Variants in INO80 observed in about 807,000 individuals in gnomAD.
The protein encoded by INO80 is chromatin-remodeling ATPase INO80.
In INO80, 20 loss-of-function variants were observed where a neutral mutation model predicts 203.4. The ratio of observed to expected loss-of-function variants is 0.10; its 90% CI spans 0.07 to 0.14. INO80 has a LOEUF of 0.14. Among genes scored for constraint, INO80 ranks in the 10% least tolerant of loss-of-function variants. The pLI is 1.00. For synonymous variants in INO80, 726 were observed against 685.2 expected, an observed-to-expected ratio of 1.06 and a Z score of -0.93; for missense variants, 1,419 against 1,914.4, an observed-to-expected ratio of 0.74 and a Z score of 4.83.
At chr15:41,047,539 C>A (rs1364184514) in intron 22 of INO80, 38 bp from the exon 23 acceptor site, 3 of 1,388,592 alleles carry the variant, frequency 2.2e-6, no homozygotes, top group East Asian at 4.6e-5. Flanking sequence ...CAACAGCAAA[C>A]CAAGAGACGA....
At chr15:41,048,503 T>G (rs2140527317) in intron 21 of INO80, among the ~76,000 whole-genome samples, 1 of 152,362 alleles carries the variant, frequency 6.6e-6, no homozygotes, top group South Asian at 2.1e-4. Context: ...AGTCTCATTT[T>G]ATTTCAGAGA....
chr15:41,021,569 G>C (rs1209292928), intron 25 of INO80, among the ~76,000 whole-genome samples: 1 of 152,222 alleles, frequency 6.6e-6, no homozygotes, highest in East Asian at 1.9e-4. Context: ...TGGCATATTT[G>C]AAGTCATCTT....
chr15:41,108,152 A>G (rs934371035), intron 1 of INO80, among the ~76,000 whole-genome samples: 7 of 152,190 alleles, frequency 4.6e-5, no homozygotes, highest in Non-Finnish European at 8.8e-5. Context: ...GGGTTTTGAC[A>G]TGTCATGTGT....
At chr15:41,052,659 C>T (rs1226365297) in intron 19 of INO80, among the ~76,000 whole-genome samples, 4 of 134,392 alleles carry the variant, frequency 3.0e-5, no homozygotes, top group African/African-American at 1.2e-4. Context: ...GGTGACAGAG[C>T]GAGCCCTTGT....
At chr15:41,018,854 G>C (rs887959088) in intron 26 of INO80, 3 of 152,238 alleles carry the variant, frequency 2.0e-5, no homozygotes, top group Admixed American at 6.5e-5. Context: ...ATTCTGCTAA[G>C]TCAAACCTGT....
At chr15:41,003,647 A>G (rs1297187882) in intron 28 of INO80, among the ~76,000 whole-genome samples, 1 of 152,064 alleles carries the variant, frequency 6.6e-6, no homozygotes, top group Non-Finnish European at 1.5e-5. Flanking sequence ...TCATCTTTAA[A>G]TATTTTTCAA....
intron 24 of INO80, among the ~76,000 whole-genome samples, chr15:41,031,337 A>G (rs1019933217): frequency 2.0e-5 from 3 of 151,536 alleles, no homozygotes; most frequent in Non-Finnish European, 2.9e-5. Flanking sequence ...GCAATATTGT[A>G]GATAGAAAAG....
Position 41,027,769 on chromosome 15 carries a change from A to G in INO80, c.2908-33T>C, listed in dbSNP as rs1161763237. On this transcript the variant is annotated intron_variant, in intron 24 of 35. Coordinates refer to ENST00000648947, the MANE Select transcript of INO80 (RefSeq NM_017553.3). ...ATAAAAATGCAAATGAATGCCAACT[A>G]TAATTATGTTTAATGTAAGCAAAAT... 15 of 1,537,524 alleles carry G rather than the reference A, an allele frequency of 9.8e-6. No individual in the cohort carries two copies. The South Asian group carries it at 1.1e-4, about 11-fold the overall frequency.
rs59485772 is a variant in INO80 at position 41,042,015 on chromosome 15, A to ATTTTT, written c.2907+2884_2907+2888dup. On this transcript the variant is annotated intron_variant, in intron 24 of 35. Coordinates refer to ENST00000648947, the MANE Select transcript of INO80 (RefSeq NM_017553.3). Reference sequence around the variant, plus strand: ...ATGCTTGGCTAATTTTTAATTTTTAATTTTTTTTTTTTTTTTGAGACAGAA... The same window carrying ATTTTT: ...ATGCTTGGCTAATTTTTAATTTTTAATTTTTTTTTTTTTTTTTTTTTGAGACAGAA... Among the ~76,000 whole-genome samples, 6 of 133,954 alleles carry ATTTTT rather than the reference A, an allele frequency of 4.5e-5. No homozygotes were observed. The South Asian group carries it at 1.4e-3, about 32-fold the overall frequency. 87.9% of individuals were successfully genotyped at this position (133,954 alleles called of 152,430 possible).
intron 14 of INO80, among the ~76,000 whole-genome samples, chr15:41,060,442 C>A (rs969498105): frequency 6.6e-6 from 1 of 151,560 alleles, no homozygotes; most frequent in African/African-American, 2.4e-5. Flanking sequence ...AAAAATTAGC[C>A]GGGTGTGGTG....
At chr15:40,993,002 C>T (rs1245493511) in intron 29 of INO80, among the ~76,000 whole-genome samples, 1 of 152,120 alleles carries the variant, frequency 6.6e-6, no homozygotes, top group Non-Finnish European at 1.5e-5. Flanking sequence ...GCTATGTGGC[C>T]CAGGCTGGTT....
Position 41,116,202 on chromosome 15 carries a change from G to A in INO80, c.-273C>T. 2.4e-6 allele frequency: 1 copy of A among 410,036 alleles called. No individual in the cohort carries two copies. The highest frequency in any genetic ancestry group is 2.0e-5 in the African/African-American group (1 of 48,846). The allele number at this position is 410,036 out of a possible 1,614,324, so 25.4% of individuals were successfully genotyped here. A position where few individuals can be genotyped will look rare whatever the true frequency, so the allele number is the denominator to read the frequency against. On this transcript the variant is annotated 5_prime_UTR_variant, in exon 1 of 36. Transcript: ENST00000648947. ...CGGCTGCGGGCGCTGGGCCGGCGGC[G>A]GCGGCGGCCACTTTCACTCACTGAG...
intron 7 of INO80, among the ~76,000 whole-genome samples, chr15:41,084,936 C>T (rs902916668): frequency 2.0e-5 from 3 of 152,138 alleles, no homozygotes; most frequent in Non-Finnish European, 4.4e-5. Flanking sequence ...GGGGTTTCAC[C>T]ATGCTGTCCA....
At position 41,031,638 on chromosome 15, in the gene INO80, A is replaced by G. The variant is rs866221390; in HGVS notation, c.2908-3902T>C. Among the ~76,000 whole-genome samples the G allele has an allele frequency of 7.7e-4, 51 of 66,556 alleles. 3 individuals carry two copies. Among genetic ancestry groups the G allele is most frequent in the African/African-American group, 2.2e-3 (33 of 15,168 alleles). 43.7% of individuals were successfully genotyped at this position (66,556 alleles called of 152,430 possible). A position where few individuals can be genotyped will look rare whatever the true frequency, so the allele number is the denominator to read the frequency against. On this transcript the variant is annotated intron_variant, in intron 24 of 35. Transcript: ENST00000648947. ...GGAGGGAGGAAGGGAGGAAGGGAGGAAGGGAGGAAGGGAGGGAGAATGCCA... is the reference window on the plus strand; with the variant it reads ...GGAGGGAGGAAGGGAGGAAGGGAGGGAGGGAGGAAGGGAGGGAGAATGCCA...
intron 6 of INO80, among the ~76,000 whole-genome samples, chr15:41,087,205 C>G (rs560217610): frequency 6.6e-6 from 1 of 151,400 alleles, no homozygotes; most frequent in Non-Finnish European, 1.5e-5. Context: ...ATTCTCTAAA[C>G]AATATAGGAT....
At chr15:41,036,830 C>G (rs1246401678) in intron 24 of INO80, among the ~76,000 whole-genome samples, 1 of 152,078 alleles carries the variant, frequency 6.6e-6, no homozygotes, top group Non-Finnish European at 1.5e-5. Flanking sequence ...GACTGTAATC[C>G]CAGAACTTTG....
chr15:41,000,849 GAAAT>G (rs2043950760), intron 28 of INO80, among the ~76,000 whole-genome samples: 1 of 151,690 alleles, frequency 6.6e-6, no homozygotes. Flanking sequence ...ACTAGTGAAA[GAAAT>G]GTAGGTAAAA....
At chr15:41,008,452 AG>A (rs1178953326) in intron 27 of INO80, among the ~76,000 whole-genome samples, 2 of 152,168 alleles carry the variant, frequency 1.3e-5, no homozygotes, top group African/African-American at 2.4e-5. Context: ...TGTTGGTCAA[AG>A]GGTACAAAGG....
At chr15:40,987,000 C>A in intron 31 of INO80, 91 bp downstream of exon 31, 1 of 681,812 alleles carries the variant, frequency 1.5e-6, no homozygotes, top group Non-Finnish European at 2.6e-6. Flanking sequence ...CTAAATACAG[C>A]CTCTGGCTTT....
Sources: gnomAD v4.1 joint callset for allele counts (sites outside exome capture counted in the v4.1 genomes callset) on GRCh38, gnomAD v4.1.1 for gene constraint, MANE v1.5 for transcripts, NCBI Gene and HGNC (gene_info 2026-07-23, HGNC 2026-07-21) for gene names.